NADK: variants seen among roughly 807,000 people sequenced by gnomAD.
NADK encodes poly(P)/ATP NAD kinase.
NADK carries 22 observed loss-of-function variants against 49.8 expected under a neutral mutation model. That is an observed-to-expected ratio of 0.44 (90% CI 0.32 to 0.63). NADK has a LOEUF of 0.63. Among genes scored for constraint, NADK ranks in the 30% least tolerant of loss-of-function variants. NADK has a pLI of 0.06. For synonymous variants in NADK, 268 were observed against 253.7 expected (o/e 1.06, Z -0.54); for missense variants, 438 against 609.4 (o/e 0.72, Z 2.96).
At position 1,754,351 on chromosome 1, in the gene NADK, G is replaced by A. The variant is rs572066962; in HGVS notation, c.876C>T (p.Pro292=). The A allele has an allele frequency of 2.3e-5, 37 of 1,613,822 alleles. No individual in the cohort carries two copies. Among genetic ancestry groups the A allele is most frequent in the South Asian group, 1.1e-4 (10 of 91,090 alleles). Residue 292 remains proline (P), a synonymous_variant, in exon 9 of 12, where the codon CCC becomes CCT. Coordinates refer to ENST00000341426, the MANE Select transcript of NADK (RefSeq NM_023018.5). The surrounding 1 kb of genome is among the most constrained non-coding windows in gnomAD (Gnocchi z 4.3). ...VLNEVVIDRG[P]SSYLSNVDVY... Reference sequence around the variant, plus strand: ...CATCCACATTGGACAGGTAGGAGGAGGGGCCTCTGTCAATCACCACCTCAT... The same window carrying A: ...CATCCACATTGGACAGGTAGGAGGAAGGGCCTCTGTCAATCACCACCTCAT...
intron 3 of NADK, chr1:1,759,732 A>G: frequency 1.3e-6 from 2 of 1,552,686 alleles, no homozygotes; most frequent in Non-Finnish European, 1.7e-6. Context: ...CCACAAACCC[A>G]CCGCTTCCTC....
chr1:1,755,804 G>A (rs1254956255), intron 6 of NADK, among the ~76,000 whole-genome samples: 2 of 152,182 alleles, frequency 1.3e-5, no homozygotes, highest in Non-Finnish European at 2.9e-5. Flanking sequence ...GGTGCTAATG[G>A]GGAGATGGGG....
Position 1,755,399 on chromosome 1 carries a change from C to G in NADK, c.663G>C (p.Gln221His). The G allele has an allele frequency of 1.9e-6, 3 of 1,613,996 alleles. No individual in the cohort carries two copies. Among genetic ancestry groups the G allele is most frequent in the Non-Finnish European group, 2.5e-6 (3 of 1,179,906 alleles). ...CCTCTATCACCTGAGTAACTTGGGA[C>G]TGAAAGTTCTCAAAGCTGAATGGGG... ...FLTPFSFENF[Q>H]SQVTQVIEGN... The change falls in exon 7 of 12, where the codon CAG (glutamine) becomes CAC (histidine). Residue 221 changes from glutamine to histidine, a missense_variant. Physicochemically the swap from Gln to His is conservative, Grantham distance 24. Transcript: ENST00000341426.
rs889785943 is a variant in NADK at position 1,752,658 on chromosome 1, C to T, written c.*246G>A. ...GAGGCCGCGCTCCAGGGACCCACCG[C>T]GGGGTGTCAGCAGGACAGAAGCACT... On this transcript the variant is annotated 3_prime_UTR_variant, in exon 12 of 12. Transcript: ENST00000341426. The T allele has an allele frequency of 3.6e-5, 16 of 439,714 alleles. No homozygotes were observed. Among genetic ancestry groups the T allele is most frequent in the African/African-American group, 1.0e-4 (5 of 49,642 alleles). 27.2% of individuals were successfully genotyped at this position (439,714 alleles called of 1,614,324 possible).
At chr1:1,760,496 C>A (rs940293405) in intron 3 of NADK, among the ~76,000 whole-genome samples, 1 of 152,248 alleles carries the variant, frequency 6.6e-6, no homozygotes, top group Non-Finnish European at 1.5e-5. Flanking sequence ...TGTGCGCCCC[C>A]AGCCTCCATG....
At chr1:1,759,985 G>A in intron 3 of NADK, 1 of 1,452,206 alleles carries the variant, frequency 6.9e-7, no homozygotes, top group Non-Finnish European at 9.4e-7. Flanking sequence ...GCAAGCACAG[G>A]ATGGCGGGAC....
In NADK at chr1:1,755,864, G is replaced by C. The variant is rs1645502772; in HGVS notation, c.586-388C>G. On this transcript the variant is annotated intron_variant, in intron 6 of 11. Transcript: ENST00000341426. ...ATTTCCGGTGTCACCAACATGCAGT[G>C]GGCCAAGGGCAGAGCCAGGGTCCCC... The C allele has an allele frequency of 6.9e-6, 3 of 435,754 alleles. No homozygotes were observed. In the South Asian group the frequency reaches 8.3e-5, roughly 12 times the overall value. The allele number at this position is 435,754 out of a possible 1,614,324, so 27.0% of individuals were successfully genotyped here. A position where few individuals can be genotyped will look rare whatever the true frequency, so the allele number is the denominator to read the frequency against.
rs1645368225 is a variant in NADK, at chr1:1,752,864, G to A, written c.*40C>T. ...TTGGTCTGTCCCCAGAGGGCGCTTGGAGGGCAGCGGAAGGATTCGGGCCTG... is the reference window on the plus strand; with the variant it reads ...TTGGTCTGTCCCCAGAGGGCGCTTGAAGGGCAGCGGAAGGATTCGGGCCTG... On this transcript the variant is annotated 3_prime_UTR_variant, in exon 12 of 12. Coordinates refer to ENST00000341426, the MANE Select transcript of NADK (RefSeq NM_023018.5). 6.3e-7 allele frequency: 1 copy of A among 1,593,836 alleles called. No homozygotes were observed. Among genetic ancestry groups the A allele is most frequent in the Non-Finnish European group, 8.6e-7 (1 of 1,167,570 alleles).
At chr1:1,759,099 ACCCAGTGGCCTGGCCTACACCCATTCCAG>A in intron 3 of NADK, 3 of 1,537,540 alleles carry the variant, frequency 2.0e-6, no homozygotes, top group Non-Finnish European at 2.6e-6. Context: ...GTCACCACTG[ACCCAGTGGCCTGGCCTACACCCATTCCAG>A]CCCTGAGGCT....
chr1:1,765,318 T>C lies in NADK; in HGVS notation c.89A>G (p.Glu30Gly). 3.1e-6 allele frequency: 5 copies of C among 1,613,628 alleles called. No homozygotes were observed. The highest frequency in any genetic ancestry group is 4.2e-6 in the Non-Finnish European group (5 of 1,179,836). Residue 30 changes from glutamate to glycine, a missense_variant, in exon 2 of 12, where the codon GAG becomes GGG. Physicochemically the swap from Glu to Gly is moderately conservative, Grantham distance 98. Coordinates refer to ENST00000341426, the MANE Select transcript of NADK (RefSeq NM_023018.5). ...AYCCSACHGD[E>G]TWSYNHPIRG... ...GATGGGGTGGTTGTAACTCCAGGTC[T>C]CATCGCCGTGGCAGGCCGAGCAGCA...
At chr1:1,757,706 C>G (rs1018079415) in intron 3 of NADK, among the ~76,000 whole-genome samples, 6 of 152,172 alleles carry the variant, frequency 3.9e-5, no homozygotes, top group Non-Finnish European at 2.9e-5. Flanking sequence ...TGATGCCCTC[C>G]TCAGGCCCCC....
intron 2 of NADK, among the ~76,000 whole-genome samples, chr1:1,763,664 G>C (rs1355020710): frequency 1.4e-5 from 2 of 147,974 alleles, no homozygotes; most frequent in African/African-American, 5.0e-5. Flanking sequence ...CATTACAAAA[G>C]AATTTTACTT....
At chr1:1,774,637 A>G (rs2100386239) in intron 1 of NADK, among the ~76,000 whole-genome samples, 1 of 151,598 alleles carries the variant, frequency 6.6e-6, no homozygotes, top group Middle Eastern at 3.4e-3. Context: ...GGCCTCCCAC[A>G]GTGCTGGGAT....
chr1:1,778,750 C>A (rs964760674), upstream of NADK: 3 of 151,916 alleles, frequency 2.0e-5, no homozygotes. This position sits in a 1 kb window ranked among gnomAD's most constrained non-coding sequence, Gnocchi z 4.9. Flanking sequence ...ACTCACCTGC[C>A]GCGTCCGGAG....
intron 4 of NADK, 36 bp downstream of exon 4, chr1:1,757,145 T>TGGGGGGCCC: frequency 6.5e-7 from 1 of 1,534,216 alleles, no homozygotes; most frequent in Non-Finnish European, 8.8e-7. Context: ...CAACTCCATG[T>TGGGGGGCCC]GCACCCCAGG....
At chr1:1,777,983 C>T (rs979172704) in intron 1 of NADK, among the ~76,000 whole-genome samples, 3 of 152,222 alleles carry the variant, frequency 2.0e-5, no homozygotes, top group African/African-American at 7.2e-5. Flanking sequence ...AGGACCTGGC[C>T]GCCCAAGCAG....
At chr1:1,756,002 G>C in intron 6 of NADK, 1 of 576,162 alleles carries the variant, frequency 1.7e-6, no homozygotes, top group Non-Finnish European at 3.1e-6. Flanking sequence ...CGTTTCCCAG[G>C]ACCCACCACC....
intron 3 of NADK, chr1:1,759,302 G>A: frequency 6.8e-7 from 1 of 1,478,776 alleles, no homozygotes. Context: ...TGCACGGAGA[G>A]GGCAGGGGGT....
intron 1 of NADK, among the ~76,000 whole-genome samples, chr1:1,774,061 G>A (rs1461736261): frequency 2.0e-5 from 3 of 151,812 alleles, no homozygotes; most frequent in Non-Finnish European, 4.4e-5. Context: ...ATTTATTTGC[G>A]AAGATCAATT....
Sources: allele counts gnomAD v4.1 joint callset (sites outside exome capture counted in the v4.1 genomes callset), GRCh38; gene constraint gnomAD v4.1.1; non-coding constraint Gnocchi (gnomAD v3.1); transcripts MANE v1.5; gene names NCBI Gene and HGNC (gene_info 2026-07-23, HGNC 2026-07-21).